Variants in CADM2 observed in about 807,000 individuals in gnomAD.
CADM2 encodes immunoglobulin superfamily member 4D.
CADM2 carries 12 observed loss-of-function variants against 49.8 expected under a neutral mutation model. The observed-to-expected ratio is 0.24, with a 90% CI of 0.15 to 0.39. The LOEUF (loss-of-function observed/expected upper bound fraction) is 0.39, where lower values mean the gene tolerates loss of function less well. Ranked by LOEUF, CADM2 falls within the 10% of genes least tolerant of loss-of-function variation. The pLI is 1.00. For synonymous variants in CADM2, 214 were observed against 175.4 expected (o/e 1.22, Z -1.74); for missense variants, 378 against 492.3 (o/e 0.77, Z 2.20).
intron 1 of CADM2, among the ~76,000 whole-genome samples, chr3:85,677,518 A>G (rs888432182): frequency 1.3e-5 from 2 of 152,200 alleles, no homozygotes; most frequent in African/African-American, 4.8e-5. Flanking sequence ...AGCTAAGAGT[A>G]TAATAAAAAT....
chr3:85,396,529 G>T (rs1242214601), intron 1 of CADM2, among the ~76,000 whole-genome samples: 1 of 151,696 alleles, frequency 6.6e-6, no homozygotes, highest in Non-Finnish European at 1.5e-5. Flanking sequence ...TAGATTTTGT[G>T]GTAATCCAAT....
intron 1 of CADM2, among the ~76,000 whole-genome samples, chr3:85,553,273 A>G (rs2061861366): frequency 1.0e-5 from 1 of 95,350 alleles, no homozygotes; most frequent in African/African-American, 2.9e-5. Context: ...ACCATATATC[A>G]GGTACTCTAG....
At chr3:85,662,576 T>C (rs1214694429) in intron 1 of CADM2, among the ~76,000 whole-genome samples, 1 of 152,004 alleles carries the variant, frequency 6.6e-6, no homozygotes, top group Non-Finnish European at 1.5e-5. Context: ...TCACCATTCC[T>C]CCCAGATGGA....
Position 85,070,180 on chromosome 3 carries a change from A to C in CADM2, c.61+110512A>C, listed in dbSNP as rs940651314. On this transcript the variant is annotated intron_variant, in intron 1 of 9. Transcript: ENST00000383699. The stretch of plus-strand genomic sequence containing the variant: ...ATCCTATCTGATTTTATCTACTGGC[A>C]CTTTTTTCTTTTCCCAGTTAAGAGA... Among the ~76,000 whole-genome samples the C allele has an allele frequency of 3.9e-5, 6 of 152,008 alleles. No individual in the cohort carries two copies. In the East Asian group the frequency reaches 1.2e-3, roughly 29 times the overall value.
intron 1 of CADM2, among the ~76,000 whole-genome samples, chr3:85,353,755 A>C (rs1277100699): frequency 1.3e-5 from 2 of 151,938 alleles, no homozygotes; most frequent in African/African-American, 2.4e-5. Flanking sequence ...ATTTTTTTGA[A>C]ATTCTTATTA....
At chr3:85,980,002 TA>T (rs1241696929) in intron 8 of CADM2, among the ~76,000 whole-genome samples, 1 of 151,428 alleles carries the variant, frequency 6.6e-6, no homozygotes, top group Admixed American at 6.6e-5. Flanking sequence ...TTGAGAAATA[TA>T]AAAAGTATTC....
At chr3:86,020,550 A>T (rs915425311) in intron 8 of CADM2, among the ~76,000 whole-genome samples, 4 of 151,366 alleles carry the variant, frequency 2.6e-5, no homozygotes, top group Admixed American at 2.6e-4. Context: ...AGAATTTTAG[A>T]CCAATATCCT....
chr3:85,673,034 G>A (rs1483142174), intron 1 of CADM2, among the ~76,000 whole-genome samples: 1 of 152,150 alleles, frequency 6.6e-6, no homozygotes, highest in Non-Finnish European at 1.5e-5. Context: ...CCATGTTAGG[G>A]TCAGGCTTGC....
chr3:85,935,380 GTGT>G (rs1008563674), intron 6 of CADM2, among the ~76,000 whole-genome samples: 7 of 152,022 alleles, frequency 4.6e-5, no homozygotes, highest in Admixed American at 1.3e-4. Context: ...AACAATGAAA[GTGT>G]TGTTATTCAG....
At chr3:85,543,077 C>G (rs2061581073) in intron 1 of CADM2, among the ~76,000 whole-genome samples, 1 of 152,068 alleles carries the variant, frequency 6.6e-6, no homozygotes, top group Admixed American at 6.5e-5. Flanking sequence ...ACATTTTTCT[C>G]CATAAGCTGT....
At chr3:85,127,165 G>A (rs533582720) in intron 1 of CADM2, among the ~76,000 whole-genome samples, 14 of 152,054 alleles carry the variant, frequency 9.2e-5, no homozygotes, top group African/African-American at 2.9e-4. Context: ...TTTTTAAAGG[G>A]TGATTAAAAA....
At chr3:85,387,559 A>T (rs2034299328) in intron 1 of CADM2, among the ~76,000 whole-genome samples, 1 of 152,186 alleles carries the variant, frequency 6.6e-6, no homozygotes, top group Non-Finnish European at 1.5e-5. Flanking sequence ...TAAAACACTG[A>T]ACTCTTGTAT....
At chr3:85,552,373 T>G (rs1250415071) in intron 1 of CADM2, among the ~76,000 whole-genome samples, 1,082 of 16,722 alleles carry the variant, frequency 0.065, 65 homozygotes, top group East Asian at 0.44. Context: ...AAAGTTTTTT[T>G]TTTTTTTTTT....
At chr3:85,127,526 C>T (rs114758258) in intron 1 of CADM2, among the ~76,000 whole-genome samples, 4,582 of 152,236 alleles carry the variant, frequency 0.03, 99 homozygotes, top group South Asian at 0.044. Context: ...AAGGGGGCTT[C>T]TGGGTCAGAT....
At chr3:85,063,682 T>C (rs2036419622) in intron 1 of CADM2, among the ~76,000 whole-genome samples, 1 of 152,036 alleles carries the variant, frequency 6.6e-6, no homozygotes, top group African/African-American at 2.4e-5. Flanking sequence ...ATAATGGGAA[T>C]TGTGCTTGAA....
intron 1 of CADM2, among the ~76,000 whole-genome samples, chr3:85,350,117 A>C (rs904957782): frequency 1.3e-5 from 2 of 152,206 alleles, no homozygotes; most frequent in African/African-American, 4.8e-5. Context: ...AATAGCGCAA[A>C]GTCATCTTAA....
intron 3 of CADM2, among the ~76,000 whole-genome samples, chr3:85,874,050 TTTTA>T (rs1711504538): frequency 6.6e-6 from 1 of 152,078 alleles, no homozygotes; most frequent in Non-Finnish European, 1.5e-5. Context: ...ATTTTAATAT[TTTTA>T]TTCTTATGCC....
chr3:86,003,666 A>G (rs1301087062), intron 8 of CADM2, among the ~76,000 whole-genome samples: 5 of 152,218 alleles, frequency 3.3e-5, no homozygotes, highest in African/African-American at 1.2e-4. Flanking sequence ...TCACTCACAG[A>G]TACAGATCCA....
chr3:85,293,497 T>G lies in CADM2; in HGVS notation c.61+333829T>G, dbSNP rs1280975239. Among the ~76,000 whole-genome samples the G allele has an allele frequency of 4.1e-3, 562 of 138,272 alleles. 2 individuals carry two copies. The highest frequency in any genetic ancestry group is 0.026 in the Middle Eastern group (7 of 268). The allele number at this position is 138,272 out of a possible 152,430, so 90.7% of individuals were successfully genotyped here. On this transcript the variant is annotated intron_variant, in intron 1 of 9. Transcript: ENST00000383699. The stretch of plus-strand genomic sequence containing the variant: ...AGAGACACAACCAAAAAAGAGAATT[T>G]TAGACCAATATCCTTGATGAACATT...
Sources: allele counts gnomAD v4.1 joint callset (sites outside exome capture counted in the v4.1 genomes callset), GRCh38; gene constraint gnomAD v4.1.1; transcripts MANE v1.5; gene names NCBI Gene and HGNC (gene_info 2026-07-23, HGNC 2026-07-21).